The following SEPTIN7 variants were observed in gnomAD, a reference collection of about 807,000 sequenced individuals.
SEPTIN7 encodes septin 7.
SEPTIN7 carries 10 observed loss-of-function variants against 63.3 expected under a neutral mutation model. That is an observed-to-expected ratio of 0.16 (90% CI 0.10 to 0.27). The LOEUF is 0.27. SEPTIN7 is among the 10% of genes least tolerant of loss of function. The pLI, the probability that SEPTIN7 is intolerant of heterozygous loss-of-function variation, is 1.00. For synonymous variants in SEPTIN7, 131 were observed against 165.3 expected, an observed-to-expected ratio of 0.79 and a Z score of 1.59; for missense variants, 310 against 521.0, an observed-to-expected ratio of 0.59 and a Z score of 3.94.
At position 35,872,775 on chromosome 7, in the gene SEPTIN7, G is replaced by A. The variant is rs368683011; in HGVS notation, c.377+9G>A. 3 of 1,591,170 alleles carry A rather than the reference G, an allele frequency of 1.9e-6. No individual in the cohort carries two copies. In the East Asian group the frequency reaches 6.7e-5, roughly 36 times the overall value. On this transcript the variant is annotated intron_variant, in intron 5 of 13. Transcript: ENST00000350320. ...GTGGATAATAGTAATTGGTAAGAAG[G>A]GTTTGTCCTCACAACTTTGCAGTGC...
At chr7:35,872,567 A>G (rs951431439) in intron 4 of SEPTIN7, 99 bp from the exon 5 acceptor site, 3 of 796,604 alleles carry the variant, frequency 3.8e-6, no homozygotes, top group Admixed American at 1.9e-5. Context: ...ACAGTTTCCC[A>G]GTTGGTTTTG....
intron 6 of SEPTIN7, 42 bp downstream of exon 6, chr7:35,873,817 GCTTA>G (rs1786308367): frequency 6.3e-7 from 1 of 1,586,946 alleles, no homozygotes; most frequent in African/African-American, 1.3e-5. Context: ...TGTTGTTGTT[GCTTA>G]CTGTTACCTT....
chr7:35,862,111 T>C (rs1264415925), intron 3 of SEPTIN7, among the ~76,000 whole-genome samples: 3 of 152,274 alleles, frequency 2.0e-5, no homozygotes, highest in African/African-American at 2.4e-5. Flanking sequence ...CAGAATCATA[T>C]TGAAGGAAGT....
the SEPTIN7 span, among the ~76,000 whole-genome samples, chr7:35,915,118 CAT>C: frequency 6.6e-6 from 1 of 151,632 alleles, no homozygotes; most frequent in African/African-American, 2.4e-5. Flanking sequence ...TGCATGTATA[CAT>C]GTGTATATAT....
chr7:35,824,111 A>G (rs1319975108), intron 1 of SEPTIN7, among the ~76,000 whole-genome samples: 1 of 149,424 alleles, frequency 6.7e-6, no homozygotes, highest in African/African-American at 2.5e-5. Context: ...AATTGCTTAT[A>G]CTCACCTCCT....
intron 11 of SEPTIN7, among the ~76,000 whole-genome samples, chr7:35,893,297 T>A (rs1191783981): frequency 3.3e-5 from 5 of 152,276 alleles, no homozygotes; most frequent in East Asian, 3.9e-4. Context: ...AATTTTGGAA[T>A]GGAAGGTGAA....
chr7:35,801,813 T>C (rs980645040), intron 1 of SEPTIN7, among the ~76,000 whole-genome samples: 21 of 151,520 alleles, frequency 1.4e-4, no homozygotes, highest in Admixed American at 1.3e-3. Flanking sequence ...GGAAGAAGGA[T>C]GCACCAGGCT....
rs184735822 is a variant in SEPTIN7 at position 35,867,977 on chromosome 7, A to G, written c.276+4319A>G. Among the ~76,000 whole-genome samples, 456 of 151,698 alleles carry G rather than the reference A, an allele frequency of 3.0e-3. 2 individuals are homozygous for G. Among genetic ancestry groups the G allele is most frequent in the African/African-American group, 7.3e-3 (303 of 41,352 alleles). On this transcript the variant is annotated intron_variant, in intron 4 of 13. Transcript: ENST00000350320. ...AACCTCTGCTTCCTGGGCTCAAGCA[A>G]TTCTCCTGCCTTAGCCTCCCGGGTA...
At chr7:35,901,078 C>G (rs1788293420) in intron 12 of SEPTIN7, 1 of 152,138 alleles carries the variant, frequency 6.6e-6, no homozygotes, top group South Asian at 2.1e-4. Context: ...TTAATACAGT[C>G]TCTCCTTAAA....
chr7:35,908,687 C>G (rs1212012408), downstream of SEPTIN7, among the ~76,000 whole-genome samples: 1 of 152,092 alleles, frequency 6.6e-6, no homozygotes, highest in Non-Finnish European at 1.5e-5. Flanking sequence ...CCTTTTTGTT[C>G]TCTTTGTTCT....
At chr7:35,825,330 C>T (rs1307459732) in intron 1 of SEPTIN7, among the ~76,000 whole-genome samples, 2 of 152,120 alleles carry the variant, frequency 1.3e-5, no homozygotes, top group Non-Finnish European at 2.9e-5. Flanking sequence ...GTTCCTTGAT[C>T]CTAAAAATGA....
intron 1 of SEPTIN7, among the ~76,000 whole-genome samples, chr7:35,830,522 A>G (rs1696071481): frequency 6.6e-6 from 1 of 152,200 alleles, no homozygotes; most frequent in African/African-American, 2.4e-5. Flanking sequence ...AAGTGATTCT[A>G]AGATGCTGCT....
At chr7:35,813,239 C>T (rs1291286085) in intron 1 of SEPTIN7, among the ~76,000 whole-genome samples, 1 of 152,208 alleles carries the variant, frequency 6.6e-6, no homozygotes, top group Non-Finnish European at 1.5e-5. Context: ...ATTCAGATTT[C>T]TAGCTAGCTG....
chr7:35,839,586 C>A (rs1005798385), intron 3 of SEPTIN7, among the ~76,000 whole-genome samples: 1 of 146,904 alleles, frequency 6.8e-6, no homozygotes, highest in Non-Finnish European at 1.5e-5. Context: ...CAGAGTCTTG[C>A]TCTGTTGACC....
intron 3 of SEPTIN7, among the ~76,000 whole-genome samples, chr7:35,853,375 A>G (rs1785055532): frequency 6.6e-6 from 1 of 152,320 alleles, no homozygotes; most frequent in East Asian, 1.9e-4. Flanking sequence ...GCAGTAAGCC[A>G]TGATTGTGCC....
the SEPTIN7 span, among the ~76,000 whole-genome samples, chr7:35,915,042 T>G: frequency 2.0e-5 from 3 of 151,680 alleles, no homozygotes; most frequent in Non-Finnish European, 2.9e-5. Flanking sequence ...CGTACATATA[T>G]GTATATATGT....
chr7:35,808,934 TCTAA>T (rs1788528027), intron 1 of SEPTIN7, among the ~76,000 whole-genome samples: 1 of 152,230 alleles, frequency 6.6e-6, no homozygotes, highest in South Asian at 2.1e-4. Context: ...TGTTAGTGTA[TCTAA>T]CAAATACACT....
intron 1 of SEPTIN7, among the ~76,000 whole-genome samples, chr7:35,820,410 G>C (rs1323790195): frequency 6.6e-6 from 1 of 151,618 alleles, no homozygotes; most frequent in Non-Finnish European, 1.5e-5. Context: ...TTGTTCTGTA[G>C]GTCTCTGGCT....
chr7:35,858,026 T>C (rs1190495280), intron 3 of SEPTIN7, among the ~76,000 whole-genome samples: 1 of 152,100 alleles, frequency 6.6e-6, no homozygotes, highest in Non-Finnish European at 1.5e-5. Context: ...CACTGCAGCC[T>C]CTTCCTCCTG....
Sources: gnomAD v4.1 joint callset for allele counts (sites outside exome capture counted in the v4.1 genomes callset) on GRCh38, gnomAD v4.1.1 for gene constraint, MANE v1.5 for transcripts, NCBI Gene and HGNC (gene_info 2026-07-23, HGNC 2026-07-21) for gene names.